Variants in MNAT1 observed in about 807,000 individuals in gnomAD.
The protein encoded by MNAT1 is CDK-activating kinase assembly factor MAT1.
In MNAT1, 43 loss-of-function variants were observed where a neutral mutation model predicts 42.0. The ratio of observed to expected loss-of-function variants is 1.02; its 90% CI spans 0.80 to 1.32. The LOEUF is 1.32. Among genes scored for constraint, MNAT1 ranks in the 40% most tolerant of loss-of-function variants. MNAT1 has a pLI of 0.00. For synonymous variants in MNAT1, 118 were observed against 120.0 expected (o/e 0.98, Z 0.11); for missense variants, 306 against 350.4 (o/e 0.87, Z 1.01).
rs187781702 is a variant in MNAT1, at chr14:60,814,194, A to T, written c.561+2067A>T. 1.5e-4 allele frequency among the ~76,000 whole-genome samples: 23 copies of T among 152,212 alleles called. No homozygotes were observed. In the East Asian group the frequency reaches 3.1e-3, roughly 20 times the overall value. On this transcript the variant is annotated intron_variant, in intron 5 of 7. Transcript: ENST00000261245. ...GACAATATATTTTATATTTTTGCAT[A>T]AAAAAATAGTGTATTTTTGCTTGAA...
At chr14:60,779,674 T>C (rs1165475332) in intron 1 of MNAT1, among the ~76,000 whole-genome samples, 2 of 151,646 alleles carry the variant, frequency 1.3e-5, no homozygotes, top group African/African-American at 4.8e-5. Flanking sequence ...TAATCCCAGC[T>C]ACTCAGGAGG....
At chr14:60,735,736 G>A (rs1472708672) in intron 1 of MNAT1, among the ~76,000 whole-genome samples, 1 of 152,182 alleles carries the variant, frequency 6.6e-6, no homozygotes, top group East Asian at 1.9e-4. Context: ...GAAGGAGGGA[G>A]GTTGAGTTTG....
intron 1 of MNAT1, among the ~76,000 whole-genome samples, chr14:60,745,864 T>C (rs1896597648): frequency 6.6e-6 from 1 of 152,220 alleles, no homozygotes; most frequent in African/African-American, 2.4e-5. Context: ...TCTTTTCTTT[T>C]AATGGAGTGT....
At chr14:60,802,899 G>C (rs1378562876) in intron 3 of MNAT1, among the ~76,000 whole-genome samples, 1 of 151,056 alleles carries the variant, frequency 6.6e-6, no homozygotes, top group Non-Finnish European at 1.5e-5. Flanking sequence ...TAGTTGTATG[G>C]CATTGTTCGG....
intron 7 of MNAT1, among the ~76,000 whole-genome samples, chr14:60,908,548 C>T (rs1403037715): frequency 6.6e-6 from 1 of 151,812 alleles, no homozygotes; most frequent in Non-Finnish European, 1.5e-5. Context: ...GTTCAATTCC[C>T]ACCTATGAGT....
chr14:60,780,005 G>A (rs1447888504), intron 1 of MNAT1: 1 of 1,566,520 alleles, frequency 6.4e-7, no homozygotes, highest in Admixed American at 1.7e-5. Context: ...CCGGGAGCAG[G>A]GAATCACCCT....
At chr14:60,888,089 C>T (rs1051619877) in intron 7 of MNAT1, among the ~76,000 whole-genome samples, 7 of 149,642 alleles carry the variant, frequency 4.7e-5, no homozygotes, top group South Asian at 2.2e-4. Context: ...TCCTCCCTAA[C>T]TCATTGTATG....
At chr14:60,957,498 C>T (rs2036507296) in intron 7 of MNAT1, among the ~76,000 whole-genome samples, 1 of 152,142 alleles carries the variant, frequency 6.6e-6, no homozygotes, top group Non-Finnish European at 1.5e-5. Flanking sequence ...ATCATGAGAA[C>T]AGCATGGGAA....
At chr14:60,903,398 T>A (rs1308100835) in intron 7 of MNAT1, among the ~76,000 whole-genome samples, 1 of 152,172 alleles carries the variant, frequency 6.6e-6, no homozygotes, top group African/African-American at 2.4e-5. Context: ...TCAGGAAATT[T>A]GTTTTAAATG....
chr14:60,946,514 CT>C (rs1566573974), intron 7 of MNAT1, among the ~76,000 whole-genome samples: 1 of 151,870 alleles, frequency 6.6e-6, no homozygotes, highest in Non-Finnish European at 1.5e-5. Context: ...ACACTACTTC[CT>C]TTTTGTTTTT....
At chr14:60,935,316 ATCCC>A (rs748813965) in intron 7 of MNAT1, among the ~76,000 whole-genome samples, 36 of 75,944 alleles carry the variant, frequency 4.7e-4, no homozygotes, top group Non-Finnish European at 7.1e-4. Context: ...CCTAGCCCCC[ATCCC>A]TCCCTCCCTC....
intron 7 of MNAT1, among the ~76,000 whole-genome samples, chr14:60,899,217 A>G (rs2035025475): frequency 6.6e-6 from 1 of 152,158 alleles, no homozygotes; most frequent in Admixed American, 6.6e-5. Context: ...ATATAGATGC[A>G]CGTACTTATT....
chr14:60,823,885 G>A (rs571195496), intron 6 of MNAT1, among the ~76,000 whole-genome samples: 98 of 150,348 alleles, frequency 6.5e-4, no homozygotes, highest in African/African-American at 2.2e-3. Context: ...AAGGCTGGGC[G>A]CGGTGGCTCA....
chr14:60,936,890 G>A (rs528485051), intron 7 of MNAT1, among the ~76,000 whole-genome samples: 1 of 152,166 alleles, frequency 6.6e-6, no homozygotes, highest in East Asian at 1.9e-4. Flanking sequence ...AGCACCTGTT[G>A]TTTCCTGACT....
chr14:60,784,929 T>C (rs2031597894), intron 1 of MNAT1, among the ~76,000 whole-genome samples: 1 of 152,146 alleles, frequency 6.6e-6, no homozygotes, highest in Admixed American at 6.5e-5. Context: ...CTCAGCTCAC[T>C]GCAACCTCTG....
chr14:60,790,830 A>G (rs1466480065), intron 1 of MNAT1, among the ~76,000 whole-genome samples: 1 of 152,192 alleles, frequency 6.6e-6, no homozygotes, highest in Non-Finnish European at 1.5e-5. Context: ...AATAATATCT[A>G]CATCATATCG....
chr14:60,881,299 C>T (rs2034546606), intron 7 of MNAT1, among the ~76,000 whole-genome samples: 1 of 152,090 alleles, frequency 6.6e-6, no homozygotes, highest in Non-Finnish European at 1.5e-5. Context: ...ATTCTCATGC[C>T]TCAGCCTCCC....
intron 1 of MNAT1, among the ~76,000 whole-genome samples, chr14:60,786,234 AG>A: frequency 6.6e-6 from 1 of 152,106 alleles, no homozygotes; most frequent in African/African-American, 2.4e-5. Flanking sequence ...TCTAATCAAG[AG>A]AAAGAGGTAG....
chr14:60,910,241 T>G (rs1447197370), intron 7 of MNAT1, among the ~76,000 whole-genome samples: 2 of 152,216 alleles, frequency 1.3e-5, no homozygotes, highest in Non-Finnish European at 2.9e-5. Context: ...TGATGGGGTT[T>G]TCTAGATATA....
Sources: gnomAD v4.1 joint callset for allele counts (sites outside exome capture counted in the v4.1 genomes callset) on GRCh38, gnomAD v4.1.1 for gene constraint, MANE v1.5 for transcripts, NCBI Gene and HGNC (gene_info 2026-07-23, HGNC 2026-07-21) for gene names.